The following LARGE1 variants were observed in gnomAD, a reference collection of about 807,000 sequenced individuals.
LARGE1 encodes xylosyl- and glucuronyltransferase LARGE1.
A neutral mutation model predicts 87.6 loss-of-function variants in LARGE1; 43 were observed. The ratio of observed to expected loss-of-function variants is 0.49; its 90% CI spans 0.38 to 0.63. The LOEUF (loss-of-function observed/expected upper bound fraction) is 0.63, where lower values mean the gene tolerates loss of function less well. Ranked by LOEUF, LARGE1 falls within the 30% of genes least tolerant of loss-of-function variation. The pLI is 0.00. For synonymous variants in LARGE1, 434 were observed against 394.6 expected, an observed-to-expected ratio of 1.10 and a Z score of -1.18; for missense variants, 802 against 1,000.2, an observed-to-expected ratio of 0.80 and a Z score of 2.67.
At chr22:33,566,305 A>G (rs1390665988) in intron 5 of LARGE1, among the ~76,000 whole-genome samples, 1 of 152,236 alleles carries the variant, frequency 6.6e-6, no homozygotes, top group African/African-American at 2.4e-5. Context: ...TCAAGATATA[A>G]TTTCTAAAAA....
At chr22:33,169,464 GT>G (rs1482061360) in intron 11 of LARGE1, among the ~76,000 whole-genome samples, 1 of 152,038 alleles carries the variant, frequency 6.6e-6, no homozygotes, top group Non-Finnish European at 1.5e-5. Flanking sequence ...ATATTTTCTT[GT>G]TTTAGTCAGC....
chr22:33,133,455 T>C, the LARGE1 span, among the ~76,000 whole-genome samples: 2 of 152,260 alleles, frequency 1.3e-5, no homozygotes, highest in South Asian at 4.2e-4. Context: ...TTGTGACAGT[T>C]TCCTGAGAAT....
At chr22:33,661,593 A>G (rs1433092567) in intron 2 of LARGE1, among the ~76,000 whole-genome samples, 2 of 151,986 alleles carry the variant, frequency 1.3e-5, no homozygotes, top group African/African-American at 4.8e-5. Context: ...AAAGATTTCA[A>G]TGGCAAACAG....
chr22:33,908,609 C>T (rs964288536), intron 1 of LARGE1, among the ~76,000 whole-genome samples: 5 of 152,062 alleles, frequency 3.3e-5, no homozygotes, highest in Admixed American at 6.6e-5. Flanking sequence ...AAGCTTTGTG[C>T]GTCCCAATAT....
At chr22:33,832,556 C>T (rs1465734446) in intron 1 of LARGE1, among the ~76,000 whole-genome samples, 1 of 152,192 alleles carries the variant, frequency 6.6e-6, no homozygotes, top group African/African-American at 2.4e-5. Context: ...CCCTCCAATA[C>T]AGGCCTCAAC....
At chr22:33,799,991 C>T (rs1384274914) in intron 1 of LARGE1, among the ~76,000 whole-genome samples, 1 of 152,172 alleles carries the variant, frequency 6.6e-6, no homozygotes, top group Non-Finnish European at 1.5e-5. Context: ...AAGATCCTCG[C>T]TGTCCCACGC....
At chr22:33,783,337 G>T (rs1040154464) in intron 1 of LARGE1, among the ~76,000 whole-genome samples, 1 of 152,124 alleles carries the variant, frequency 6.6e-6, no homozygotes, top group Non-Finnish European at 1.5e-5. Flanking sequence ...AGGCTGAGGC[G>T]GTGGATCACC....
intron 2 of LARGE1, among the ~76,000 whole-genome samples, chr22:33,755,082 C>T (rs1031976382): frequency 6.6e-6 from 1 of 152,232 alleles, no homozygotes; most frequent in Non-Finnish European, 1.5e-5. Flanking sequence ...CTTTCACTCT[C>T]ACTGCCAGTC....
At chr22:33,131,767 G>C in the LARGE1 span, among the ~76,000 whole-genome samples, 2 of 151,932 alleles carry the variant, frequency 1.3e-5, no homozygotes, top group Admixed American at 1.3e-4. Context: ...TTCAAGATGA[G>C]ATTTGGGTGG....
At chr22:33,499,239 T>C (rs2070314680) in intron 6 of LARGE1, among the ~76,000 whole-genome samples, 1 of 152,200 alleles carries the variant, frequency 6.6e-6, no homozygotes, top group South Asian at 2.1e-4. Context: ...GGAAGGTGCC[T>C]ATAGTCGGCT....
chr22:33,109,488 A>C, the LARGE1 span, among the ~76,000 whole-genome samples: 1 of 152,096 alleles, frequency 6.6e-6, no homozygotes, highest in Non-Finnish European at 1.5e-5. Context: ...ACCATGCCTG[A>C]TTCAAGGACC....
intron 1 of LARGE1, among the ~76,000 whole-genome samples, chr22:33,781,529 G>C (rs1181408664): frequency 6.6e-6 from 1 of 152,154 alleles, no homozygotes; most frequent in Non-Finnish European, 1.5e-5. Flanking sequence ...ACGTGTTCCA[G>C]AAACTAGTGA....
chr22:33,693,698 C>T (rs561657315), intron 2 of LARGE1, among the ~76,000 whole-genome samples: 13 of 152,268 alleles, frequency 8.5e-5, no homozygotes, highest in African/African-American at 3.1e-4. Context: ...GTGGCGCACG[C>T]CTGTGGTCCC....
intron 12 of LARGE1, among the ~76,000 whole-genome samples, chr22:33,284,734 C>T (rs767369452): frequency 1.1e-4 from 17 of 152,166 alleles, no homozygotes; most frequent in East Asian, 3.9e-4. Flanking sequence ...CATGCTGCCA[C>T]GTCCATCTAA....
intron 6 of LARGE1, among the ~76,000 whole-genome samples, chr22:33,449,686 G>A (rs1169548083): frequency 2.6e-5 from 4 of 152,204 alleles, no homozygotes; most frequent in Non-Finnish European, 5.9e-5. Flanking sequence ...AGGCTGCCTG[G>A]TATATATGCG....
chr22:33,451,673 C>T (rs1569175467), intron 6 of LARGE1, among the ~76,000 whole-genome samples: 1 of 152,016 alleles, frequency 6.6e-6, no homozygotes, highest in Non-Finnish European at 1.5e-5. Context: ...ATTTTCCTGC[C>T]TCAGCCTCCC....
intron 3 of LARGE1, among the ~76,000 whole-genome samples, chr22:33,633,458 A>C (rs1291615709): frequency 6.6e-6 from 1 of 152,210 alleles, no homozygotes; most frequent in Non-Finnish European, 1.5e-5. Flanking sequence ...GCAGGAAAGA[A>C]TCCTCAGGGA....
chr22:33,640,649 C>T (rs1602910935), intron 3 of LARGE1, among the ~76,000 whole-genome samples: 2 of 152,134 alleles, frequency 1.3e-5, no homozygotes, highest in African/African-American at 4.8e-5. Context: ...CAGCTGGTCC[C>T]ACTCCCACAG....
intron 11 of LARGE1, among the ~76,000 whole-genome samples, chr22:33,260,146 C>T (rs1167786473): frequency 6.6e-6 from 1 of 152,188 alleles, no homozygotes; most frequent in Non-Finnish European, 1.5e-5. Flanking sequence ...CCTGCTCCTT[C>T]CCACTGAAAC....
Sources: gnomAD v4.1 joint callset for allele counts (sites outside exome capture counted in the v4.1 genomes callset) on GRCh38, gnomAD v4.1.1 for gene constraint, MANE v1.5 for transcripts, NCBI Gene and HGNC (gene_info 2026-07-23, HGNC 2026-07-21) for gene names.